Variants in STX8 observed in about 807,000 individuals in gnomAD.
The protein encoded by STX8 is syntaxin 8.
A neutral mutation model predicts 37.5 loss-of-function variants in STX8; 23 were observed. The ratio of observed to expected loss-of-function variants is 0.61; its 90% CI spans 0.44 to 0.87. STX8 has a LOEUF of 0.87. STX8 is among the 40% of genes least tolerant of loss of function. The pLI is 0.00. For missense variants in STX8, 313 were observed against 284.7 expected (o/e 1.10, Z -0.71); for synonymous variants, 115 against 99.1 (o/e 1.16, Z -0.95).
In STX8 at chr17:9,295,667, C is replaced by G. The variant is rs1489325139; in HGVS notation, c.644-45022G>C. 2.0e-5 allele frequency among the ~76,000 whole-genome samples: 3 copies of G among 151,694 alleles called. No individual in the cohort carries two copies. In the East Asian group the frequency reaches 5.9e-4, roughly 30 times the overall value. On this transcript the variant is annotated intron_variant, in intron 7 of 7. Coordinates refer to ENST00000306357, the MANE Select transcript of STX8 (RefSeq NM_004853.3). ...CTGAGGCAGGAGAATCACTTGAAACCAGGAGGCAGAGGTTGCAGTGAGCCA... is the reference window on the plus strand; with the variant it reads ...CTGAGGCAGGAGAATCACTTGAAACGAGGAGGCAGAGGTTGCAGTGAGCCA...
At position 9,547,766 on chromosome 17, in the gene STX8, C is replaced by CCTTTT. The variant is rs201022655; in HGVS notation, c.213-2489_213-2485dup. Among the ~76,000 whole-genome samples the CCTTTT allele has an allele frequency of 4.0e-5, 6 of 149,262 alleles. 1 individual carries two copies. The highest frequency in any genetic ancestry group is 3.4e-3 in the Middle Eastern group (1 of 294). ...AACCAGACACTCTCATACATTCTTT[C>CCTTTT]CTTTTCTTTTCTTTTCTTTTTTTTT... On this transcript the variant is annotated intron_variant, in intron 3 of 7. Transcript: ENST00000306357.
chr17:9,461,846 T>G (rs1323072774), intron 6 of STX8, among the ~76,000 whole-genome samples: 1 of 152,102 alleles, frequency 6.6e-6, no homozygotes, highest in Non-Finnish European at 1.5e-5. Flanking sequence ...GATGGTCCCA[T>G]CTGGGGGTGA....
chr17:9,391,367 G>A (rs759597592), intron 6 of STX8, among the ~76,000 whole-genome samples: 14 of 151,850 alleles, frequency 9.2e-5, no homozygotes, highest in Non-Finnish European at 1.2e-4. Flanking sequence ...CAGGAGAATT[G>A]CTTGAACCTG....
chr17:9,574,533 G>A (rs546681150), intron 1 of STX8, among the ~76,000 whole-genome samples: 1 of 91,376 alleles, frequency 1.1e-5, no homozygotes, highest in Admixed American at 1.6e-4. Context: ...AGGGATTTTG[G>A]GGTTTTTTAT....
chr17:9,509,528 C>A (rs940871910), intron 4 of STX8, among the ~76,000 whole-genome samples: 8 of 152,048 alleles, frequency 5.3e-5, no homozygotes, highest in Admixed American at 4.6e-4. Flanking sequence ...ACCAGTCTTA[C>A]AAGAAGTGCT....
At chr17:9,336,097 G>A (rs887705024) in intron 7 of STX8, among the ~76,000 whole-genome samples, 6 of 152,182 alleles carry the variant, frequency 3.9e-5, no homozygotes, top group Non-Finnish European at 7.3e-5. Flanking sequence ...ATTCCAGGCT[G>A]ATGGGAATTC....
chr17:9,295,739 C>T (rs1213823669), intron 7 of STX8, among the ~76,000 whole-genome samples: 2 of 151,472 alleles, frequency 1.3e-5, no homozygotes, highest in Non-Finnish European at 1.5e-5. Flanking sequence ...GAGATTCCGT[C>T]CCCCCTCCCC....
At chr17:9,441,237 A>T (rs576504063) in intron 6 of STX8, among the ~76,000 whole-genome samples, 3 of 152,220 alleles carry the variant, frequency 2.0e-5, no homozygotes, top group Middle Eastern at 6.8e-3. Context: ...CACACCTGTA[A>T]TCCCAGCACT....
At chr17:9,540,039 T>C (rs1399318185) in intron 4 of STX8, among the ~76,000 whole-genome samples, 2 of 152,164 alleles carry the variant, frequency 1.3e-5, no homozygotes, top group Non-Finnish European at 2.9e-5. Context: ...CTATTAGGTA[T>C]GAGAAGTTGG....
chr17:9,488,155 C>T lies in STX8; in HGVS notation c.541+3674G>A, dbSNP rs184431644. Among the ~76,000 whole-genome samples, 39 of 152,138 alleles carry T rather than the reference C, an allele frequency of 2.6e-4. No individual in the cohort carries two copies. The East Asian group carries it at 3.5e-3, about 14-fold the overall frequency. On this transcript the variant is annotated intron_variant, in intron 6 of 7. Transcript: ENST00000306357. ...CAGCCTGGCCAACAGGGTGAAACCT[C>T]GTCTCCACCAAAAATACAAAATTAG...
intron 4 of STX8, among the ~76,000 whole-genome samples, chr17:9,541,163 G>T (rs1379865): frequency 0.93 from 141,341 of 152,124 alleles, 66,584 homozygotes; most frequent in East Asian, 1. Context: ...AGGTTTCGGT[G>T]AAAATACCTC....
intron 7 of STX8, among the ~76,000 whole-genome samples, chr17:9,274,259 C>T (rs1907575492): frequency 6.6e-6 from 1 of 152,128 alleles, no homozygotes. Flanking sequence ...TAGATCTCAA[C>T]CACTGTTCTG....
chr17:9,308,721 C>CAA (rs1171647976), intron 7 of STX8, among the ~76,000 whole-genome samples: 2,369 of 70,984 alleles, frequency 0.033, 68 homozygotes, highest in South Asian at 0.15. Context: ...GAAACTCCGT[C>CAA]AAAAAAAAAA....
chr17:9,463,701 A>C (rs1229074437), intron 6 of STX8, among the ~76,000 whole-genome samples: 1 of 152,160 alleles, frequency 6.6e-6, no homozygotes, highest in South Asian at 2.1e-4. Flanking sequence ...TGAGGTTGGG[A>C]GTTTGAGACC....
At chr17:9,370,584 A>T (rs1266345195) in intron 7 of STX8, among the ~76,000 whole-genome samples, 1 of 152,220 alleles carries the variant, frequency 6.6e-6, no homozygotes, top group Non-Finnish European at 1.5e-5. Context: ...ATGCAATGTC[A>T]GCTGGGTTGA....
intron 7 of STX8, among the ~76,000 whole-genome samples, chr17:9,377,603 G>A (rs1911643624): frequency 6.6e-6 from 1 of 152,132 alleles, no homozygotes; most frequent in Non-Finnish European, 1.5e-5. Flanking sequence ...GACTACTACA[G>A]GTGTGTACCA....
intron 7 of STX8, among the ~76,000 whole-genome samples, chr17:9,265,505 C>T (rs923316489): frequency 6.6e-5 from 10 of 152,240 alleles, no homozygotes; most frequent in African/African-American, 1.9e-4. Flanking sequence ...GAGCCATGCC[C>T]GGCACCATTA....
rs371172075 is a variant in STX8 at position 9,452,027 on chromosome 17, C to T, written c.541+39802G>A. On this transcript the variant is annotated intron_variant, in intron 6 of 7. Coordinates refer to ENST00000306357, the MANE Select transcript of STX8 (RefSeq NM_004853.3). ...AATATAAAGTGCATGAATTGTCCTA[C>T]TGGAGTCAAATAATAATGTGTAACT... is the stretch of plus-strand genomic sequence containing the variant. 5.9e-5 allele frequency among the ~76,000 whole-genome samples: 9 copies of T among 152,314 alleles called. No individual in the cohort carries two copies. In the East Asian group the frequency reaches 1.7e-3, roughly 29 times the overall value.
intron 7 of STX8, among the ~76,000 whole-genome samples, chr17:9,296,183 C>T (rs1908531283): frequency 6.7e-6 from 1 of 148,494 alleles, no homozygotes; most frequent in Non-Finnish European, 1.5e-5. Context: ...GAGTGAGACT[C>T]CGTCTCAAAA....
Sources: gnomAD v4.1 joint callset for allele counts (sites outside exome capture counted in the v4.1 genomes callset) on GRCh38, gnomAD v4.1.1 for gene constraint, MANE v1.5 for transcripts, NCBI Gene and HGNC (gene_info 2026-07-23, HGNC 2026-07-21) for gene names.